ARSF: variants seen among roughly 807,000 people sequenced by gnomAD.
ARSF encodes the protein arylsulfatase F.
Under a neutral mutation model 35.4 loss-of-function variants are expected in ARSF, and 33 were observed. The ratio of observed to expected loss-of-function variants is 0.93; its 90% CI spans 0.71 to 1.25. ARSF has a LOEUF of 1.25. Among genes scored for constraint, ARSF ranks in the 50% most tolerant of loss-of-function variants. The pLI is 0.00. For missense variants in ARSF, 501 were observed against 480.2 expected, an observed-to-expected ratio of 1.04 and a Z score of -0.40; for synonymous variants, 222 against 193.1, an observed-to-expected ratio of 1.15 and a Z score of -1.24.
chrX:3,108,878 T>C (rs2090426091), intron 9 of ARSF, among the ~76,000 whole-genome samples: 1 of 110,234 alleles, frequency 9.1e-6, no homozygotes, highest in Non-Finnish European at 1.9e-5. Context: ...TAGCCAGGCA[T>C]GGTGGCACAC....
At chrX:3,052,080 T>C (rs1490588392) in intron 1 of ARSF, among the ~76,000 whole-genome samples, 1 of 112,230 alleles carries the variant, frequency 8.9e-6, no homozygotes, top group African/African-American at 3.2e-5. Context: ...TTAACTAATT[T>C]TATTTTAATC....
At chrX:3,068,222 T>C (rs1372648160) in intron 2 of ARSF, 111 bp downstream of exon 2, 3 of 693,941 alleles carry the variant, frequency 4.3e-6, no homozygotes, top group Non-Finnish European at 6.1e-6. Flanking sequence ...CTGCCTTTTT[T>C]TCTTTTTTCT....
intron 7 of ARSF, among the ~76,000 whole-genome samples, chrX:3,092,587 T>C (rs953836395): frequency 1.8e-5 from 2 of 111,919 alleles, no homozygotes; most frequent in African/African-American, 6.5e-5. Context: ...TTGGACAAGC[T>C]GTGATATCTG....
intron 2 of ARSF, among the ~76,000 whole-genome samples, chrX:3,069,717 TTTTA>T (rs1214938335): frequency 7.4e-5 from 8 of 107,993 alleles, no homozygotes; most frequent in Non-Finnish European, 1.3e-4. Flanking sequence ...TCATTTTTCT[TTTTA>T]TTTTTTTCCT....
chrX:3,109,280 C>G (rs1462264593), intron 9 of ARSF, among the ~76,000 whole-genome samples: 1 of 105,728 alleles, frequency 9.5e-6, no homozygotes, highest in Non-Finnish European at 1.9e-5. Flanking sequence ...GATCACACCA[C>G]TGCCCCTCAG....
At chrX:3,092,957 G>A (rs2090307176) in intron 7 of ARSF, among the ~76,000 whole-genome samples, 2 of 111,983 alleles carry the variant, frequency 1.8e-5, no homozygotes, top group Non-Finnish European at 3.8e-5. Context: ...TGGATAACGA[G>A]TTCAGGCAAT....
intron 9 of ARSF, among the ~76,000 whole-genome samples, chrX:3,107,382 A>AAAAAG (rs1206311963): frequency 8.9e-6 from 1 of 111,784 alleles, no homozygotes; most frequent in African/African-American, 3.2e-5. Context: ...TAGTGGAGAA[A>AAAAAG]AAAAGAAAAG....
intron 8 of ARSF, among the ~76,000 whole-genome samples, chrX:3,102,900 G>A (rs751515960): frequency 9.4e-6 from 1 of 106,947 alleles, no homozygotes; most frequent in Admixed American, 1.0e-4. Flanking sequence ...AACAGAGCGA[G>A]ACTCCATCTC....
intron 4 of ARSF, among the ~76,000 whole-genome samples, chrX:3,078,712 C>G (rs1234205507): frequency 4.5e-5 from 5 of 111,328 alleles, no homozygotes; most frequent in African/African-American, 1.3e-4. Flanking sequence ...GTTAACCAGG[C>G]TGGTCTTGAA....
At chrX:3,061,491 A>G (rs1407337483) in intron 1 of ARSF, among the ~76,000 whole-genome samples, 1 of 111,897 alleles carries the variant, frequency 8.9e-6, no homozygotes, top group Non-Finnish European at 1.9e-5. Context: ...TGCCCTGATT[A>G]AAAGACACAG....
Position 3,066,357 on chromosome X carries a change from T to C in ARSF, c.-28-1716T>C, listed in dbSNP as rs374117623. Reference sequence around the variant, plus strand: ...AAATTATACCCCACACTTTGTCTTGTTGAATATTATTAAGATATAAAGACA... The same window carrying C: ...AAATTATACCCCACACTTTGTCTTGCTGAATATTATTAAGATATAAAGACA... On this transcript the variant is annotated intron_variant, in intron 1 of 10. Coordinates refer to ENST00000381127, the MANE Select transcript of ARSF (RefSeq NM_001201539.2). 5.4e-5 allele frequency among the ~76,000 whole-genome samples: 6 copies of C among 111,418 alleles called. No homozygotes were observed. In the East Asian group the frequency reaches 1.1e-3, roughly 21 times the overall value.
At chrX:3,068,362 A>T (rs1343572358) in intron 2 of ARSF, among the ~76,000 whole-genome samples, 2 of 111,733 alleles carry the variant, frequency 1.8e-5, no homozygotes, top group African/African-American at 3.3e-5. Context: ...TAGGCAATTG[A>T]TAGAGATGTA....
At chrX:3,063,192 ATC>A (rs2090049405) in intron 1 of ARSF, among the ~76,000 whole-genome samples, 1 of 112,006 alleles carries the variant, frequency 8.9e-6, no homozygotes, top group Non-Finnish European at 1.9e-5. Flanking sequence ...AAACAGAACC[ATC>A]AACAAAAACC....
Position 3,084,253 on chromosome X carries a change from C to T in ARSF, c.417C>T (p.His139=). 1.7e-6 allele frequency: 2 copies of T among 1,210,069 alleles called. No homozygotes were observed. The highest frequency in any genetic ancestry group is 1.8e-5 in the South Asian group (1 of 56,911). ...GYSTGLIGKW[H]QGLNCDSRSD... Reference sequence around the variant, plus strand: ...TGTGTTTGGTTTTAGGCAAATGGCACCAAGGCTTGAACTGCGACTCCCGAA... The same window carrying T: ...TGTGTTTGGTTTTAGGCAAATGGCATCAAGGCTTGAACTGCGACTCCCGAA... Residue 139 remains histidine (H), a synonymous_variant, in exon 6 of 11, where the codon CAC becomes CAT. Transcript: ENST00000381127.
intron 5 of ARSF, among the ~76,000 whole-genome samples, chrX:3,083,272 T>C (rs915825180): frequency 3.6e-5 from 4 of 111,261 alleles, no homozygotes; most frequent in African/African-American, 1.3e-4. Flanking sequence ...CATACACATA[T>C]GTATACATAG....
chrX:3,075,628 G>T (rs1569137392), intron 3 of ARSF, among the ~76,000 whole-genome samples: 2 of 100,978 alleles, frequency 2.0e-5, no homozygotes, highest in Non-Finnish European at 4.0e-5. Context: ...ATCTCTTTCT[G>T]TCTCTCTCTC....
intron 9 of ARSF, among the ~76,000 whole-genome samples, chrX:3,107,740 CT>C (rs2090420117): frequency 9.1e-6 from 1 of 109,953 alleles, no homozygotes; most frequent in South Asian, 3.8e-4. Flanking sequence ...TTCTTTTTTT[CT>C]TTTTCCCCAC....
At chrX:3,081,130 G>A (rs45550436) in intron 5 of ARSF, 117 bp downstream of exon 5, 24,821 of 975,673 alleles carry the variant, frequency 0.025, 262 homozygotes, top group Non-Finnish European at 0.03. Flanking sequence ...ATGTAAAGGC[G>A]CAGTGGCCCA....
At chrX:3,094,215 G>C (rs1280561180) in intron 7 of ARSF, among the ~76,000 whole-genome samples, 1 of 111,717 alleles carries the variant, frequency 9.0e-6, no homozygotes, top group Non-Finnish European at 1.9e-5. Flanking sequence ...AAAGTATGTG[G>C]CCTTTGGTGG....
Sources: allele counts gnomAD v4.1 joint callset (sites outside exome capture counted in the v4.1 genomes callset), GRCh38; gene constraint gnomAD v4.1.1; transcripts MANE v1.5; gene names NCBI Gene and HGNC (gene_info 2026-07-23, HGNC 2026-07-21).